The following SCMH1 variants were observed in gnomAD, a reference collection of about 807,000 sequenced individuals.
SCMH1 encodes polycomb protein SCMH1.
Under a neutral mutation model 70.8 loss-of-function variants are expected in SCMH1, and 37 were observed. The ratio of observed to expected loss-of-function variants is 0.52; its 90% confidence interval spans 0.40 to 0.69. The LOEUF (loss-of-function observed/expected upper bound fraction) is 0.69, where lower values mean the gene tolerates loss of function less well. SCMH1 is among the 30% of genes least tolerant of loss of function. SCMH1 has a pLI of 0.00. For missense variants in SCMH1, 607 were observed against 827.3 expected, an observed-to-expected ratio of 0.73 and a Z score of 3.27; for synonymous variants, 292 against 307.4, an observed-to-expected ratio of 0.95 and a Z score of 0.52.
chr1:41,179,563 C>A (rs947819709), intron 2 of SCMH1, among the ~76,000 whole-genome samples: 1 of 152,110 alleles, frequency 6.6e-6, no homozygotes, highest in Non-Finnish European at 1.5e-5. Flanking sequence ...ACACAAACTA[C>A]CATCAGAGAA....
At chr1:41,198,760 G>A (rs945124036) in intron 1 of SCMH1, among the ~76,000 whole-genome samples, 3 of 152,104 alleles carry the variant, frequency 2.0e-5, no homozygotes, top group Non-Finnish European at 2.9e-5. Context: ...ATATTTCACC[G>A]TTAAAAAGTA....
At chr1:41,201,993 C>T (rs537469669) in intron 1 of SCMH1, among the ~76,000 whole-genome samples, 1 of 152,138 alleles carries the variant, frequency 6.6e-6, no homozygotes, top group Non-Finnish European at 1.5e-5. Flanking sequence ...AGAAAAATAA[C>T]ACATGTCCAG....
intron 10 of SCMH1, among the ~76,000 whole-genome samples, chr1:41,057,899 T>C (rs1357951101): frequency 6.6e-6 from 1 of 151,922 alleles, no homozygotes; most frequent in Non-Finnish European, 1.5e-5. Flanking sequence ...GGCCAGTGGA[T>C]TGAGTGAGCT....
intron 8 of SCMH1, among the ~76,000 whole-genome samples, chr1:41,081,268 C>CT (rs1659934359): frequency 6.6e-6 from 1 of 152,180 alleles, no homozygotes; most frequent in Admixed American, 6.5e-5. Flanking sequence ...ATGTTACATT[C>CT]ATAGATTGAA....
chr1:41,191,556 C>A (rs1361218677), intron 1 of SCMH1, among the ~76,000 whole-genome samples: 2 of 152,106 alleles, frequency 1.3e-5, no homozygotes. Flanking sequence ...TTTGTGCTTA[C>A]CACTCTGCTG....
intron 10 of SCMH1, 47 bp downstream of exon 10, chr1:41,070,548 A>G (rs780447774): frequency 1.2e-6 from 2 of 1,609,336 alleles, no homozygotes; most frequent in South Asian, 1.1e-5. Context: ...AAGTGCAAAC[A>G]CTAGGTCTGG....
At chr1:41,149,771 A>G (rs553463886) in intron 5 of SCMH1, among the ~76,000 whole-genome samples, 1 of 152,340 alleles carries the variant, frequency 6.6e-6, no homozygotes, top group South Asian at 2.1e-4. Flanking sequence ...TGCCCAATCA[A>G]TTATGAGATG....
At chr1:41,236,937 G>A (rs568684146) in intron 1 of SCMH1, among the ~76,000 whole-genome samples, 6 of 152,148 alleles carry the variant, frequency 3.9e-5, no homozygotes, top group East Asian at 3.8e-4. Context: ...AGCAGTTTAC[G>A]GTGGCTAGAG....
chr1:41,221,038 T>A (rs1349247603), intron 1 of SCMH1, among the ~76,000 whole-genome samples: 1 of 152,188 alleles, frequency 6.6e-6, no homozygotes, highest in African/African-American at 2.4e-5. Flanking sequence ...TTGAAAAGAT[T>A]AAACAAATAG....
chr1:41,160,457 T>G (rs1438036585), intron 4 of SCMH1, among the ~76,000 whole-genome samples: 1 of 152,230 alleles, frequency 6.6e-6, no homozygotes, highest in Non-Finnish European at 1.5e-5. Context: ...GTCAATAAAG[T>G]TAGAAAATGT....
intron 8 of SCMH1, among the ~76,000 whole-genome samples, chr1:41,075,736 T>C (rs1286664527): frequency 6.6e-6 from 1 of 152,164 alleles, no homozygotes; most frequent in African/African-American, 2.4e-5. Context: ...GTGAAGTATA[T>C]AAATATTAAT....
chr1:41,211,289 G>C (rs189177154), intron 1 of SCMH1, among the ~76,000 whole-genome samples: 1 of 152,076 alleles, frequency 6.6e-6, no homozygotes, highest in Non-Finnish European at 1.5e-5. Flanking sequence ...CTAATATACA[G>C]AATCTATGAA....
At chr1:41,157,180 C>G (rs188094394) in intron 4 of SCMH1, among the ~76,000 whole-genome samples, 1 of 152,168 alleles carries the variant, frequency 6.6e-6, no homozygotes, top group Non-Finnish European at 1.5e-5. Context: ...ATTTCTATTC[C>G]TACCGAAAGT....
chr1:41,037,899 G>A (rs1177720609), intron 12 of SCMH1: 1 of 182,560 alleles, frequency 5.5e-6, no homozygotes, highest in Non-Finnish European at 1.2e-5. Flanking sequence ...GGGACACATT[G>A]CTTAGATGAA....
At chr1:41,138,096 A>G (rs1371247044) in intron 6 of SCMH1, among the ~76,000 whole-genome samples, 2 of 152,170 alleles carry the variant, frequency 1.3e-5, no homozygotes, top group African/African-American at 4.8e-5. Context: ...GCTTGGGGTT[A>G]TAATATTCCC....
chr1:41,090,449 C>T (rs1186665260), intron 8 of SCMH1, among the ~76,000 whole-genome samples: 1 of 151,836 alleles, frequency 6.6e-6, no homozygotes, highest in African/African-American at 2.4e-5. Context: ...AAACTCCAGA[C>T]TCATGGGATA....
chr1:41,212,795 T>G (rs1172752157), intron 1 of SCMH1, among the ~76,000 whole-genome samples: 1 of 152,180 alleles, frequency 6.6e-6, no homozygotes, highest in Non-Finnish European at 1.5e-5. Flanking sequence ...AGGCACAAAA[T>G]ATGCAGCATC....
intron 2 of SCMH1, among the ~76,000 whole-genome samples, chr1:41,162,144 C>T (rs1646087496): frequency 6.6e-6 from 1 of 152,108 alleles, no homozygotes; most frequent in South Asian, 2.1e-4. Flanking sequence ...TGCAGCCACC[C>T]AAATGTGGCT....
At chr1:41,032,762 G>A (rs1468654337) in intron 13 of SCMH1, among the ~76,000 whole-genome samples, 5 of 151,948 alleles carry the variant, frequency 3.3e-5, no homozygotes, top group Admixed American at 2.6e-4. Flanking sequence ...GGCAAATCAC[G>A]AGGTCAGGAG....
Sources: allele counts gnomAD v4.1 joint callset (sites outside exome capture counted in the v4.1 genomes callset), GRCh38; gene constraint gnomAD v4.1.1; transcripts MANE v1.5; gene names NCBI Gene and HGNC (gene_info 2026-07-23, HGNC 2026-07-21).